The following PCDH15 variants were observed in gnomAD, a reference collection of about 807,000 sequenced individuals.
PCDH15 encodes protocadherin related 15.
PCDH15 carries 129 observed loss-of-function variants against 178.5 expected under a neutral mutation model. The observed-to-expected ratio is 0.72, with a 90% confidence interval of 0.63 to 0.84. PCDH15 has a LOEUF of 0.84. Ranked by LOEUF, PCDH15 falls within the 40% of genes least tolerant of loss-of-function variation. The pLI is 0.00. For missense variants in PCDH15, 2,230 were observed against 2,099.9 expected, an observed-to-expected ratio of 1.06 and a Z score of -1.21; for synonymous variants, 800 against 732.0, an observed-to-expected ratio of 1.09 and a Z score of -1.50.
At chr10:54,796,282 G>GTATCTATCTATCTATCTATCTATCTATC (rs57641746) in intron 1 of PCDH15, among the ~76,000 whole-genome samples, 2 of 126,342 alleles carry the variant, frequency 1.6e-5, no homozygotes, top group African/African-American at 6.1e-5. Flanking sequence ...ATGTATCTAT[G>GTATCTATCTATCTATCTATCTATCTATC]TATCTATCTA....
At chr10:53,951,144 T>C (rs1011238308) in intron 23 of PCDH15, among the ~76,000 whole-genome samples, 2 of 152,202 alleles carry the variant, frequency 1.3e-5, no homozygotes, top group African/African-American at 4.8e-5. Flanking sequence ...GATTAACACA[T>C]TTTTCTCAAT....
intron 14 of PCDH15, among the ~76,000 whole-genome samples, chr10:54,136,815 C>T (rs1379285821): frequency 1.3e-5 from 2 of 152,192 alleles, no homozygotes; most frequent in East Asian, 3.9e-4. Flanking sequence ...TACTCCTTTG[C>T]TTCCTCTGTT....
At chr10:55,601,616 T>C (rs1284675670) in intron 2 of PCDH15, among the ~76,000 whole-genome samples, 1 of 152,126 alleles carries the variant, frequency 6.6e-6, no homozygotes, top group Non-Finnish European at 1.5e-5. Context: ...ATTACAGATA[T>C]ATTATGACAA....
intron 32 of PCDH15, chr10:53,821,198 C>T (rs2076252601): frequency 1.0e-6 from 1 of 976,928 alleles, no homozygotes; most frequent in Non-Finnish European, 1.2e-6. Context: ...TAAGATTTAT[C>T]AAATCCATAA....
intron 8 of PCDH15, among the ~76,000 whole-genome samples, chr10:54,246,902 T>C (rs2055994254): frequency 6.6e-6 from 1 of 151,926 alleles, no homozygotes; most frequent in Non-Finnish European, 1.5e-5. Flanking sequence ...ATTTTGATGA[T>C]GATTAATGGG....
chr10:55,500,098 G>T (rs1268498141), intron 2 of PCDH15, among the ~76,000 whole-genome samples: 1 of 151,630 alleles, frequency 6.6e-6, no homozygotes, highest in Admixed American at 6.6e-5. Flanking sequence ...AATTGTTAAT[G>T]GTGATTATGG....
intron 13 of PCDH15, among the ~76,000 whole-genome samples, chr10:54,155,860 A>T (rs1334563193): frequency 6.6e-6 from 1 of 151,920 alleles, no homozygotes; most frequent in Non-Finnish European, 1.5e-5. Flanking sequence ...TCTGAAGTCT[A>T]TTAGATGATG....
At chr10:53,896,670 G>A (rs1258785999) in intron 26 of PCDH15, among the ~76,000 whole-genome samples, 1 of 152,144 alleles carries the variant, frequency 6.6e-6, no homozygotes, top group African/African-American at 2.4e-5. Flanking sequence ...AGCTTCATTT[G>A]TATTAATAGC....
intron 15 of PCDH15, among the ~76,000 whole-genome samples, chr10:54,124,047 G>C (rs2041787462): frequency 6.6e-6 from 1 of 152,112 alleles, no homozygotes; most frequent in African/African-American, 2.4e-5. Flanking sequence ...AAAACCAACT[G>C]TTGGGTGCTG....
intron 2 of PCDH15, among the ~76,000 whole-genome samples, chr10:54,553,941 C>G (rs1381018313): frequency 6.6e-6 from 1 of 152,140 alleles, no homozygotes; most frequent in Non-Finnish European, 1.5e-5. Context: ...ACCCTTGCCT[C>G]ATATATGTAT....
intron 21 of PCDH15, among the ~76,000 whole-genome samples, chr10:53,975,355 C>T (rs2090099622): frequency 6.6e-6 from 1 of 152,154 alleles, no homozygotes; most frequent in Non-Finnish European, 1.5e-5. Context: ...TGAGAAATCT[C>T]CAAACTGCTT....
intron 16 of PCDH15, among the ~76,000 whole-genome samples, chr10:54,089,685 G>A (rs941892131): frequency 6.6e-6 from 1 of 152,112 alleles, no homozygotes; most frequent in South Asian, 2.1e-4. Context: ...TTGTAGTAAT[G>A]TCCTTGTCAT....
At chr10:53,839,819 T>C (rs1381810292) in intron 29 of PCDH15, among the ~76,000 whole-genome samples, 3 of 152,166 alleles carry the variant, frequency 2.0e-5, no homozygotes, top group East Asian at 1.9e-4. Flanking sequence ...AAATTTCACA[T>C]AGAGCATGAA....
intron 2 of PCDH15, among the ~76,000 whole-genome samples, chr10:55,616,519 C>CA (rs34005780): frequency 0.19 from 24,027 of 127,312 alleles, 2,091 homozygotes; most frequent in Middle Eastern, 0.27. Flanking sequence ...CTGAAATTAG[C>CA]AAAAAAAAAA....
At chr10:55,248,855 C>T (rs4497307) in intron 1 of PCDH15, among the ~76,000 whole-genome samples, 1 of 152,122 alleles carries the variant, frequency 6.6e-6, no homozygotes, top group Non-Finnish European at 1.5e-5. Flanking sequence ...CCATGCCTAG[C>T]CAATTCTTTC....
chr10:54,582,589 T>G (rs1193735050), intron 2 of PCDH15, among the ~76,000 whole-genome samples: 1 of 152,042 alleles, frequency 6.6e-6, no homozygotes, highest in Non-Finnish European at 1.5e-5. Flanking sequence ...GAAATATAAA[T>G]GTACACTAGA....
intron 2 of PCDH15, among the ~76,000 whole-genome samples, chr10:54,598,394 T>A (rs1351937852): frequency 6.6e-6 from 1 of 152,110 alleles, no homozygotes; most frequent in African/African-American, 2.4e-5. Context: ...TCTCAATAGA[T>A]GCAGAAAGAC....
chr10:54,880,764 G>A (rs1954248339), intron 3 of PCDH15, among the ~76,000 whole-genome samples: 1 of 148,714 alleles, frequency 6.7e-6, no homozygotes, highest in Non-Finnish European at 1.5e-5. Context: ...TAAGGAATGA[G>A]AGAAGTGCAT....
intron 13 of PCDH15, among the ~76,000 whole-genome samples, chr10:54,172,206 T>A (rs367909100): frequency 3.3e-5 from 5 of 151,970 alleles, no homozygotes; most frequent in East Asian, 3.9e-4. Flanking sequence ...AAAAGAAGTG[T>A]AAATGGCCAG....
Sources: gnomAD v4.1 joint callset for allele counts (sites outside exome capture counted in the v4.1 genomes callset) on GRCh38, gnomAD v4.1.1 for gene constraint, MANE v1.5 for transcripts, NCBI Gene and HGNC (gene_info 2026-07-23, HGNC 2026-07-21) for gene names.